TAS2R1: variants seen among roughly 807,000 people sequenced by gnomAD.
TAS2R1 encodes the protein taste receptor type 2 member 1.
For missense variants in TAS2R1, 370 were observed against 353.4 expected (o/e 1.05, Z -0.38); for synonymous variants, 141 against 134.2 (o/e 1.05, Z -0.35).
chr5:9,649,493 C>T (rs547605532), intron 2 of TAS2R1, among the ~76,000 whole-genome samples: 1 of 152,244 alleles, frequency 6.6e-6, no homozygotes, highest in East Asian at 1.9e-4. Flanking sequence ...TCAAAATACT[C>T]CTGAGCAATG....
the TAS2R1 span, among the ~76,000 whole-genome samples, chr5:9,770,404 T>G: frequency 1.1e-4 from 17 of 152,188 alleles, no homozygotes; most frequent in Non-Finnish European, 2.9e-5. Context: ...TTGGGTCTTT[T>G]GTGGTTCCAT....
chr5:9,737,860 C>G, the TAS2R1 span, among the ~76,000 whole-genome samples: 1 of 152,212 alleles, frequency 6.6e-6, no homozygotes, highest in African/African-American at 2.4e-5. Context: ...AAACCCTTCT[C>G]AGATCTTTGT....
At chr5:9,829,854 A>G in the TAS2R1 span, among the ~76,000 whole-genome samples, 1 of 152,192 alleles carries the variant, frequency 6.6e-6, no homozygotes. Context: ...AAAAAGCTTC[A>G]GAAGAAAAAA....
Position 9,627,685 on chromosome 5 carries a change from A to G in TAS2R1, c.*1448T>C, listed in dbSNP as rs1739780957. Among the ~76,000 whole-genome samples, 1 of 152,234 alleles carries G rather than the reference A, an allele frequency of 6.6e-6. No individual in the cohort carries two copies. Among genetic ancestry groups the G allele is most frequent in the African/African-American group, 2.4e-5 (1 of 41,456 alleles). On this transcript the variant is annotated 3_prime_UTR_variant, in exon 1 of 1. Transcript: ENST00000382492. The stretch of plus-strand genomic sequence containing the variant: ...AATAATTACACCCAGGATACAACTG[A>G]TCTTCCCACAGCTGGCTTCCTGAGT...
At chr5:9,728,237 T>C in the TAS2R1 span, among the ~76,000 whole-genome samples, 20 of 152,350 alleles carry the variant, frequency 1.3e-4, no homozygotes, top group Middle Eastern at 6.8e-3. Flanking sequence ...TAGATTAAAC[T>C]TATCTACATT....
chr5:9,884,810 A>C, the TAS2R1 span, among the ~76,000 whole-genome samples: 1 of 152,218 alleles, frequency 6.6e-6, no homozygotes, highest in African/African-American at 2.4e-5. Context: ...TTTTCTAGGA[A>C]CTAGCTGTTT....
chr5:9,761,601 T>C, the TAS2R1 span, among the ~76,000 whole-genome samples: 4 of 152,228 alleles, frequency 2.6e-5, no homozygotes, highest in Non-Finnish European at 5.9e-5. Flanking sequence ...CATTTGTCAT[T>C]TTCTCTAAAC....
intron 1 of TAS2R1, among the ~76,000 whole-genome samples, chr5:9,669,914 C>A (rs1740715488): frequency 6.6e-6 from 1 of 151,844 alleles, no homozygotes; most frequent in African/African-American, 2.4e-5. Context: ...CAAAACTGAA[C>A]TGAAGGAAAT....
the TAS2R1 span, among the ~76,000 whole-genome samples, chr5:9,895,272 G>A: frequency 6.6e-6 from 1 of 152,178 alleles, no homozygotes; most frequent in Non-Finnish European, 1.5e-5. Flanking sequence ...GGAGACACCT[G>A]GTTTCTTCCT....
chr5:9,839,121 G>A, the TAS2R1 span, among the ~76,000 whole-genome samples: 1 of 152,228 alleles, frequency 6.6e-6, no homozygotes, highest in Non-Finnish European at 1.5e-5. Flanking sequence ...AGCCGCTAGG[G>A]TAAAGAGGGC....
At chr5:9,772,922 A>G in the TAS2R1 span, among the ~76,000 whole-genome samples, 4 of 151,994 alleles carry the variant, frequency 2.6e-5, no homozygotes, top group African/African-American at 9.7e-5. Context: ...ACAGTAGGGC[A>G]TTGGGTATTG....
chr5:9,817,324 A>G, the TAS2R1 span, among the ~76,000 whole-genome samples: 1 of 152,180 alleles, frequency 6.6e-6, no homozygotes, highest in Non-Finnish European at 1.5e-5. Context: ...CTTTAAATTT[A>G]TTTCATTTGG....
the TAS2R1 span, among the ~76,000 whole-genome samples, chr5:9,881,837 T>A: frequency 1.3e-5 from 2 of 152,114 alleles, no homozygotes; most frequent in Admixed American, 1.3e-4. Context: ...CCCTTCCTTA[T>A]AACTTACACA....
chr5:9,714,504 G>T (rs985582683), upstream of TAS2R1, among the ~76,000 whole-genome samples: 3 of 152,140 alleles, frequency 2.0e-5, no homozygotes, highest in Non-Finnish European at 4.4e-5. Context: ...TGTGATCTTG[G>T]GCAAGATGTT....
Position 9,629,159 on chromosome 5 carries a change from G to A in TAS2R1, c.874C>T (p.Leu292Phe). ...PKLKQNAKKFLLHSKCCQ is the reference protein window; with the variant it reads ...PKLKQNAKKFFLHSKCCQ Reference sequence around the variant, plus strand: ...CACTGACAGCACTTACTGTGGAGGAGGAACTTTTTTGCATTTTGTTTCAAT... The same window carrying A: ...CACTGACAGCACTTACTGTGGAGGAAGAACTTTTTTGCATTTTGTTTCAAT... The change falls in exon 1 of 1, where the codon CTC becomes TTC. Residue 292 changes from leucine to phenylalanine, a missense_variant. Transcript: ENST00000382492. 6.3e-7 allele frequency: 1 copy of A among 1,578,020 alleles called. No homozygotes were observed. Among genetic ancestry groups the A allele is most frequent in the Non-Finnish European group, 8.6e-7 (1 of 1,164,080 alleles).
intron 1 of TAS2R1, among the ~76,000 whole-genome samples, chr5:9,711,587 C>T (rs1343410874): frequency 6.6e-6 from 1 of 152,158 alleles, no homozygotes; most frequent in Non-Finnish European, 1.5e-5. Flanking sequence ...AGATCTGCTG[C>T]ACAACAGTGT....
At chr5:9,786,649 C>T in the TAS2R1 span, among the ~76,000 whole-genome samples, 1 of 152,178 alleles carries the variant, frequency 6.6e-6, no homozygotes, top group African/African-American at 2.4e-5. Flanking sequence ...ATTCCATAAA[C>T]TCTTCAAATG....
chr5:9,760,100 C>T, the TAS2R1 span, among the ~76,000 whole-genome samples: 3 of 152,282 alleles, frequency 2.0e-5, no homozygotes, highest in African/African-American at 7.2e-5. Context: ...AATCTGATAA[C>T]TTGGTAAGAC....
chr5:9,875,042 G>A, the TAS2R1 span, among the ~76,000 whole-genome samples: 1 of 152,156 alleles, frequency 6.6e-6, no homozygotes, highest in Non-Finnish European at 1.5e-5. Flanking sequence ...CTGATTCTGT[G>A]AAGTCTCAAC....
Sources: gnomAD v4.1 joint callset for allele counts (sites outside exome capture counted in the v4.1 genomes callset) on GRCh38, gnomAD v4.1.1 for gene constraint, MANE v1.5 for transcripts, NCBI Gene and HGNC (gene_info 2026-07-23, HGNC 2026-07-21) for gene names.